The following FANCA variants were observed in gnomAD, a reference collection of about 807,000 sequenced individuals.
FANCA encodes Fanconi anemia group A protein.
In FANCA, 236 loss-of-function variants were observed where a neutral mutation model predicts 194.3. The ratio of observed to expected loss-of-function variants is 1.21; its 90% CI spans 1.09 to 1.35. FANCA has a LOEUF of 1.35. Ranked by LOEUF, FANCA falls within the 40% of genes most tolerant of loss-of-function variation. The pLI is 0.00. For missense variants in FANCA, 2,628 were observed against 1,813.9 expected, an observed-to-expected ratio of 1.45 and a Z score of -8.15; for synonymous variants, 1,014 against 715.8, an observed-to-expected ratio of 1.42 and a Z score of -6.65.
rs1273685743 is a variant in FANCA at position 89,783,071 on chromosome 16, C to T, written c.1502G>A (p.Gly501Asp). The T allele has an allele frequency of 1.2e-6, 2 of 1,613,868 alleles. No individual in the cohort carries two copies. The change falls in exon 16 of 43, where the codon GGC becomes GAC. Residue 501 changes from glycine (G) to aspartate (D), a missense_variant. Physicochemically the swap from Gly to Asp is moderately conservative, Grantham distance 94 (BLOSUM62 -1). Transcript: ENST00000389301. ...GTCTGTGAGGAGGGAGCGGTACTTG[C>T]CGGGAACCAGGGGTGGGTGGAGAAT... is the stretch of plus-strand genomic sequence containing the variant. ...VHILHPPLVP[G>D]KYRSLLTDYI...
At chr16:89,751,740 G>A (rs938886848) in intron 31 of FANCA, among the ~76,000 whole-genome samples, 1 of 152,058 alleles carries the variant, frequency 6.6e-6, no homozygotes, top group Admixed American at 6.6e-5. Flanking sequence ...CAAAGTACTG[G>A]GATTACAAGC....
rs982258436 is a variant in FANCA, at chr16:89,816,610, G to C, written c.6C>G (p.Ser2=). M[S]DSWVPNSASG... is the part of the protein sequence containing the mutation. Reference sequence around the variant, plus strand: ...AGGCGGAGTTCGGGACCCACGAGTCGGACATGGCCTTGGCGCCTACAGCCC... The same window carrying C: ...AGGCGGAGTTCGGGACCCACGAGTCCGACATGGCCTTGGCGCCTACAGCCC... Residue 2 remains serine (S), a synonymous_variant, in exon 1 of 43, where the codon TCC becomes TCG. Transcript: ENST00000389301. 9 of 1,524,816 alleles carry C rather than the reference G, an allele frequency of 5.9e-6. No individual in the cohort carries two copies. Among genetic ancestry groups the C allele is most frequent in the African/African-American group, 2.8e-5 (2 of 70,510 alleles). The allele number at this position is 1,524,816 out of a possible 1,614,324, so 94.5% of individuals were successfully genotyped here. A position where few individuals can be genotyped will look rare whatever the true frequency, so the allele number is the denominator to read the frequency against.
intron 2 of FANCA, among the ~76,000 whole-genome samples, chr16:89,815,175 T>A (rs934442626): frequency 2.6e-5 from 4 of 151,778 alleles, no homozygotes; most frequent in African/African-American, 9.7e-5. Flanking sequence ...CAGCTGGGAT[T>A]ACAGACACCT....
chr16:89,803,379 A>T (rs1232664265), intron 7 of FANCA, 38 bp from the exon 8 acceptor site: 3 of 1,570,550 alleles, frequency 1.9e-6, no homozygotes, highest in Non-Finnish European at 1.8e-6. Flanking sequence ...TATGGACATC[A>T]TGGTCTCCAA....
In FANCA at chr16:89,795,926, G is replaced by C. The variant is rs757617469; in HGVS notation, c.986C>G (p.Thr329Ser). 1 of 1,613,696 alleles carries C rather than the reference G, an allele frequency of 6.2e-7. No individual in the cohort carries two copies. Residue 329 changes from threonine (T) to serine (S), a missense_variant, in exon 11 of 43, where the codon ACT becomes AGT. Transcript: ENST00000389301. Reference sequence around the variant, plus strand: ...CCTACCTTTCAGCACAGGGCTGTGAGTGAGTATCTGAGTCAGGGTATGACT... The same window carrying C: ...CCTACCTTTCAGCACAGGGCTGTGACTGAGTATCTGAGTCAGGGTATGACT... ...FFSHTLTQIL[T>S]HSPVLKASDA...
At chr16:89,798,006 A>T (rs1211559124) in intron 10 of FANCA, among the ~76,000 whole-genome samples, 1 of 152,188 alleles carries the variant, frequency 6.6e-6, no homozygotes, top group East Asian at 1.9e-4. Flanking sequence ...ATCTTATCAC[A>T]CAGATTATAA....
At chr16:89,752,781 T>C (rs1484139295) in intron 30 of FANCA, among the ~76,000 whole-genome samples, 3 of 152,202 alleles carry the variant, frequency 2.0e-5, no homozygotes, top group Non-Finnish European at 2.9e-5. Context: ...CTAGCGGTGA[T>C]GCCAGCGTCT....
rs749556479 is a variant in FANCA at position 89,769,831 on chromosome 16, G to A, written c.2504+6C>T. On this transcript the variant is annotated splice_donor_region_variant and intron_variant, in intron 26 of 42. Transcript: ENST00000389301. ...GAGAAGACGCGACTGTGGAAGAAGAGCTCACTTCAGGCAGAAGAACAAGGA... is the reference window on the plus strand; with the variant it reads ...GAGAAGACGCGACTGTGGAAGAAGAACTCACTTCAGGCAGAAGAACAAGGA... 6.2e-7 allele frequency: 1 copy of A among 1,614,000 alleles called. No homozygotes were observed. The highest frequency in any genetic ancestry group is 8.5e-7 in the Non-Finnish European group (1 of 1,179,990).
chr16:89,778,391 A>G (rs1002265032), intron 20 of FANCA: 16 of 373,880 alleles, frequency 4.3e-5, no homozygotes, highest in Non-Finnish European at 7.7e-5. Context: ...GCTCCAACCC[A>G]GGAGGCAGAG....
At chr16:89,759,965 G>A (rs3819572) in intron 29 of FANCA, among the ~76,000 whole-genome samples, 2 of 151,182 alleles carry the variant, frequency 1.3e-5, no homozygotes, top group Admixed American at 6.6e-5. Flanking sequence ...GTGCGGGACC[G>A]GGGTGCTCCA....
chr16:89,768,993 G>A (rs17226666), intron 26 of FANCA, among the ~76,000 whole-genome samples: 9,084 of 152,208 alleles, frequency 0.06, 416 homozygotes, highest in East Asian at 0.22. Flanking sequence ...CTGTATCCCC[G>A]GAGTACCGAG....
chr16:89,741,027 CTTAA>C (rs2062120209), intron 37 of FANCA, 161 bp from the exon 38 acceptor site: 1 of 676,328 alleles, frequency 1.5e-6, no homozygotes, highest in Non-Finnish European at 2.6e-6. Context: ...AGAGAGACAG[CTTAA>C]TTGAGAATTA....
In FANCA at chr16:89,797,083, C is replaced by T. The variant is rs925229525; in HGVS notation, c.894-1065G>A. Among the ~76,000 whole-genome samples the T allele has an allele frequency of 1.3e-5, 2 of 152,088 alleles. 1 individual carries two copies. Among genetic ancestry groups the T allele is most frequent in the Non-Finnish European group, 2.9e-5 (2 of 68,020 alleles). On this transcript the variant is annotated intron_variant, in intron 10 of 42. Coordinates refer to ENST00000389301, the MANE Select transcript of FANCA (RefSeq NM_000135.4). Reference sequence around the variant, plus strand: ...ACTGAGGCAGGAGAATGGTGTGAACCCAGGGAGCGGAGCTTGCAGTGAGCA... The same window carrying T: ...ACTGAGGCAGGAGAATGGTGTGAACTCAGGGAGCGGAGCTTGCAGTGAGCA...
intron 37 of FANCA, among the ~76,000 whole-genome samples, chr16:89,741,813 G>A (rs2062140394): frequency 6.6e-6 from 1 of 152,176 alleles, no homozygotes; most frequent in Admixed American, 6.6e-5. Flanking sequence ...CTCAGCACAT[G>A]AATCAAGGCT....
intron 37 of FANCA, among the ~76,000 whole-genome samples, chr16:89,742,122 G>A (rs2062148048): frequency 6.6e-6 from 1 of 151,986 alleles, no homozygotes; most frequent in South Asian, 2.1e-4. Context: ...GATTGTAGGT[G>A]CGCACCACCA....
intron 26 of FANCA, among the ~76,000 whole-genome samples, chr16:89,767,826 G>A (rs1178468823): frequency 1.3e-5 from 2 of 152,134 alleles, no homozygotes; most frequent in African/African-American, 2.4e-5. Context: ...GGGCTTACAG[G>A]CATGAGTCAC....
At chr16:89,763,148 G>A (rs1169981765) in intron 28 of FANCA, among the ~76,000 whole-genome samples, 4 of 151,884 alleles carry the variant, frequency 2.6e-5, no homozygotes, top group East Asian at 1.9e-4. Flanking sequence ...TTGGGAGGCC[G>A]AGTCAGGAGA....
intron 17 of FANCA, 67 bp downstream of exon 17, chr16:89,782,792 A>T (rs2039764683): frequency 7.0e-7 from 1 of 1,435,936 alleles, no homozygotes; most frequent in Non-Finnish European, 9.8e-7. Context: ...TCAAGAGTCA[A>T]AAGAAACTGG....
chr16:89,755,388 A>AT (rs1157353062), intron 30 of FANCA, among the ~76,000 whole-genome samples: 2 of 151,322 alleles, frequency 1.3e-5, no homozygotes, highest in Non-Finnish European at 2.9e-5. Flanking sequence ...TAGTTTTTGT[A>AT]TTTTTTTAGT....
Sources: gnomAD v4.1 joint callset for allele counts (sites outside exome capture counted in the v4.1 genomes callset) on GRCh38, gnomAD v4.1.1 for gene constraint, MANE v1.5 for transcripts, NCBI Gene and HGNC (gene_info 2026-07-23, HGNC 2026-07-21) for gene names.